Variants in DBX2 observed in about 807,000 individuals in gnomAD.
The protein encoded by DBX2 is homeobox protein DBX2.
In DBX2, 16 loss-of-function variants were observed where a neutral mutation model predicts 17.7. That is an observed-to-expected ratio of 0.90 (90% confidence interval 0.61 to 1.37). DBX2 has a LOEUF of 1.37. Among genes scored for constraint, DBX2 ranks in the 40% most tolerant of loss-of-function variants. DBX2 has a pLI of 0.00. For synonymous variants in DBX2, 255 were observed against 183.8 expected (o/e 1.39, Z -3.13); for missense variants, 538 against 433.8 (o/e 1.24, Z -2.13).
intron 2 of DBX2, among the ~76,000 whole-genome samples, chr12:45,024,498 C>T (rs1250913730): frequency 6.6e-6 from 1 of 152,182 alleles, no homozygotes; most frequent in African/African-American, 2.4e-5. Context: ...CATCAAGGCC[C>T]AAGGCCCAAG....
At chr12:45,043,238 T>C (rs574500349) in intron 1 of DBX2, among the ~76,000 whole-genome samples, 1 of 152,320 alleles carries the variant, frequency 6.6e-6, no homozygotes, top group Admixed American at 6.5e-5. Flanking sequence ...CTGTTTCTTC[T>C]TCCTTTGAAT....
At chr12:45,019,167 T>TA (rs925891771) in intron 3 of DBX2, among the ~76,000 whole-genome samples, 7 of 151,298 alleles carry the variant, frequency 4.6e-5, no homozygotes, top group South Asian at 2.1e-4. Context: ...TTTACCTCAA[T>TA]AAAAAAAAGC....
rs1240935612 is a variant in DBX2 at position 45,050,556 on chromosome 12, G to GT, written c.371dup (p.Asp124GlufsTer57). 1.9e-6 allele frequency: 3 copies of GT among 1,552,790 alleles called. No homozygotes were observed. The African/African-American group carries it at 4.1e-5, about 21-fold the overall frequency. ...CTGAAGGCTGGAAGGTACAGTCTCG[G>GT]TCCCCCGGAGCCCGGCCCGGCAGCC... is the stretch of plus-strand genomic sequence containing the variant. On this transcript the variant is annotated frameshift_variant, in exon 1 of 4. Transcript: ENST00000332700. LOFTEE classifies it high-confidence loss of function.
intron 1 of DBX2, among the ~76,000 whole-genome samples, chr12:45,040,522 G>T (rs1946465513): frequency 1.3e-5 from 2 of 152,102 alleles, no homozygotes; most frequent in African/African-American, 4.8e-5. Context: ...ACTGGGGCTT[G>T]TCTGAATCCA....
chr12:45,025,249 A>G (rs1946375346), intron 2 of DBX2, among the ~76,000 whole-genome samples: 1 of 152,158 alleles, frequency 6.6e-6, no homozygotes, highest in African/African-American at 2.4e-5. Context: ...AGGAGGTCCT[A>G]GTCAGAGAGA....
In DBX2 at chr12:45,015,604, G is replaced by A. The variant is rs1382774879; in HGVS notation, c.*682C>T. 1.3e-5 allele frequency: 2 copies of A among 152,138 alleles called. No individual in the cohort carries two copies. Among genetic ancestry groups the A allele is most frequent in the African/African-American group, 4.8e-5 (2 of 41,436 alleles). The allele number at this position is 152,138 out of a possible 1,614,324, so 9.4% of individuals were successfully genotyped here. ...ATGGGTCTCTCCCTCATGATGGCCCGATGGTCCAGAGACTTGGAGATTAAG... is the reference window on the plus strand; with the variant it reads ...ATGGGTCTCTCCCTCATGATGGCCCAATGGTCCAGAGACTTGGAGATTAAG... On this transcript the variant is annotated 3_prime_UTR_variant, in exon 4 of 4. Transcript: ENST00000332700.
chr12:45,050,303 AATGGG>A (rs548091109), intron 1 of DBX2, among the ~76,000 whole-genome samples: 2 of 152,216 alleles, frequency 1.3e-5, no homozygotes, highest in Admixed American at 6.5e-5. Context: ...AAGCTGGTGG[AATGGG>A]ATGGGATGGG....
chr12:45,027,586 A>C (rs1462367397), intron 2 of DBX2, among the ~76,000 whole-genome samples: 1 of 152,248 alleles, frequency 6.6e-6, no homozygotes, highest in Non-Finnish European at 1.5e-5. Flanking sequence ...AGGCAGCAGC[A>C]AAGAAAGTAC....
rs1191610128 is a variant in DBX2 at position 45,016,486 on chromosome 12, A to C, written c.820T>G (p.Ser274Ala). The stretch of plus-strand genomic sequence containing the variant: ...ACGTCCCATATTGAAGGACATGGAG[A>C]AGGGAAACCCAGAGCAGACCGTGAG... ...PLSRSALGFP[S>A]PCPSIWDVPQ... is the part of the protein sequence containing the mutation. The change falls in exon 4 of 4, where the codon TCT becomes GCT. Residue 274 changes from serine to alanine, a missense_variant. Coordinates refer to ENST00000332700, the MANE Select transcript of DBX2 (RefSeq NM_001004329.3). 1 of 1,613,894 alleles carries C rather than the reference A, an allele frequency of 6.2e-7. No individual in the cohort carries two copies. The highest frequency in any genetic ancestry group is 8.5e-7 in the Non-Finnish European group (1 of 1,179,926).
rs115835754 is a variant in DBX2, at chr12:45,024,308, C to A, written c.500-414G>T. ...TTGTCAGTTTCCTAAGGCCTCCCAG[C>A]CATGCTGAACTGTGAGTCAATTAAA... On this transcript the variant is annotated intron_variant, in intron 2 of 3. Coordinates refer to ENST00000332700, the MANE Select transcript of DBX2 (RefSeq NM_001004329.3). 6.0e-3 allele frequency among the ~76,000 whole-genome samples: 916 copies of A among 152,298 alleles called. 12 individuals are homozygous for A. Among genetic ancestry groups the A allele is most frequent in the African/African-American group, 0.021 (863 of 41,564 alleles).
chr12:45,044,683 A>C (rs1946490441), intron 1 of DBX2, among the ~76,000 whole-genome samples: 1 of 152,180 alleles, frequency 6.6e-6, no homozygotes, highest in African/African-American at 2.4e-5. Context: ...TTGGTTCTAA[A>C]AGTCTAAAAA....
In DBX2 at chr12:45,016,708, C is replaced by G. The variant is rs114107860; in HGVS notation, c.688-90G>C. 5.9e-4 allele frequency: 751 copies of G among 1,274,272 alleles called. 3 individuals carry two copies. The African/African-American group carries it at 0.01, about 18-fold the overall frequency. 78.9% of individuals were successfully genotyped at this position (1,274,272 alleles called of 1,614,324 possible). On this transcript the variant is annotated intron_variant, in intron 3 of 3. Coordinates refer to ENST00000332700, the MANE Select transcript of DBX2 (RefSeq NM_001004329.3). ...ACTGTAATTGCTTCTACTATCCCTT[C>G]TACAGAATACCTTATTATGACAGCC...
chr12:45,039,277 G>GTGTA (rs1491581232), intron 1 of DBX2, among the ~76,000 whole-genome samples: 20 of 90,274 alleles, frequency 2.2e-4, no homozygotes, highest in East Asian at 2.1e-3. Flanking sequence ...TGCATTGAAG[G>GTGTA]TATATATATA....
intron 3 of DBX2, among the ~76,000 whole-genome samples, chr12:45,017,676 A>AT (rs1372386139): frequency 6.6e-6 from 1 of 152,212 alleles, no homozygotes; most frequent in African/African-American, 2.4e-5. Flanking sequence ...AATTTGAACC[A>AT]TATCTTCCTC....
intron 2 of DBX2, among the ~76,000 whole-genome samples, chr12:45,026,063 C>T (rs1420812769): frequency 6.6e-6 from 1 of 152,034 alleles, no homozygotes; most frequent in Non-Finnish European, 1.5e-5. Context: ...ATTTAGTTGT[C>T]CACATTTAAA....
intron 1 of DBX2, among the ~76,000 whole-genome samples, chr12:45,045,214 C>T (rs1011286530): frequency 7.2e-5 from 11 of 152,084 alleles, no homozygotes; most frequent in African/African-American, 2.7e-4. Flanking sequence ...AAGTTGTGTC[C>T]TTTCATTGTA....
At position 45,016,343 on chromosome 12, in the gene DBX2, T is replaced by G; in HGVS notation, c.963A>C (p.Leu321Phe). The change falls in exon 4 of 4, where the codon TTA becomes TTC. Residue 321 changes from leucine to phenylalanine, a missense_variant. Coordinates refer to ENST00000332700, the MANE Select transcript of DBX2 (RefSeq NM_001004329.3). ...PPEANSLQGA[L>F]YLCSEEEAGS... ...CAGCTTCTTCTTCAGAACATAAATA[T>G]AAGGCACCTTGCAGTGAATTTGCTT... 1 of 1,610,314 alleles carries G rather than the reference T, an allele frequency of 6.2e-7. No individual in the cohort carries two copies. The highest frequency in any genetic ancestry group is 8.5e-7 in the Non-Finnish European group (1 of 1,178,590).
intron 1 of DBX2, among the ~76,000 whole-genome samples, chr12:45,049,991 G>A (rs138130682): frequency 8.5e-5 from 13 of 152,144 alleles, no homozygotes; most frequent in African/African-American, 3.1e-4. Flanking sequence ...GAGAAAGCCA[G>A]AACTTTGCGC....
In DBX2 at chr12:45,050,968, C is replaced by CCGCCTGT; in HGVS notation, c.-48_-42dup. The CCGCCTGT allele has an allele frequency of 1.5e-6, 2 of 1,368,274 alleles. No individual in the cohort carries two copies. Among genetic ancestry groups the CCGCCTGT allele is most frequent in the Non-Finnish European group, 1.9e-6 (2 of 1,062,718 alleles). The allele number at this position is 1,368,274 out of a possible 1,614,324, so 84.8% of individuals were successfully genotyped here. Reference sequence around the variant, plus strand: ...GGTCTGCTGCGCGCCCGCCTTGCGCCCGCCTGTCGCCCGGGCGCCCCGCAC... The same window carrying CCGCCTGT: ...GGTCTGCTGCGCGCCCGCCTTGCGCCCGCCTGTCGCCTGTCGCCCGGGCGCCCCGCAC... On this transcript the variant is annotated 5_prime_UTR_variant, in exon 1 of 4. Transcript: ENST00000332700.
Sources: allele counts gnomAD v4.1 joint callset (sites outside exome capture counted in the v4.1 genomes callset), GRCh38; gene constraint gnomAD v4.1.1; transcripts MANE v1.5; gene names NCBI Gene and HGNC (gene_info 2026-07-23, HGNC 2026-07-21).